The following GRID2 variants were observed in gnomAD, a reference collection of about 807,000 sequenced individuals.
GRID2 encodes glutamate receptor ionotropic, delta-2.
In GRID2, 33 loss-of-function variants were observed where a neutral mutation model predicts 114.8. That is an observed-to-expected ratio of 0.29 (90% CI 0.22 to 0.38). The LOEUF is 0.38. Ranked by LOEUF, GRID2 falls within the 10% of genes least tolerant of loss-of-function variation. The pLI is 1.00. For synonymous variants in GRID2, 505 were observed against 449.9 expected (o/e 1.12, Z -1.55); for missense variants, 1,184 against 1,257.7 (o/e 0.94, Z 0.89).
chr4:93,414,952 TG>T (rs1194138997), intron 9 of GRID2, among the ~76,000 whole-genome samples: 2 of 152,100 alleles, frequency 1.3e-5, no homozygotes, highest in East Asian at 3.8e-4. Context: ...CTTTAATATT[TG>T]TGTGGCTTTC....
chr4:93,178,060 T>G (rs1359608096), intron 4 of GRID2, among the ~76,000 whole-genome samples: 1 of 148,210 alleles, frequency 6.7e-6, no homozygotes, highest in African/African-American at 2.6e-5. Context: ...ATCGTATGGT[T>G]TTACTCAACT....
rs1235258414 is a variant in GRID2 at position 93,448,878 on chromosome 4, C to CT, written c.1546-6782dup. Among the ~76,000 whole-genome samples, 11 of 25,954 alleles carry CT rather than the reference C, an allele frequency of 4.2e-4. 1 individual carries two copies. The highest frequency in any genetic ancestry group is 6.0e-4 in the African/African-American group (2 of 3,354). 17.0% of individuals were successfully genotyped at this position (25,954 alleles called of 152,430 possible). ...TCCCTTCCCCTTCCCTTCCCCTTCCCTTCCCCTTCCCTTCCCTTCCCCTTC... is the reference window on the plus strand; with the variant it reads ...TCCCTTCCCCTTCCCTTCCCCTTCCCTTTCCCCTTCCCTTCCCTTCCCCTTC... On this transcript the variant is annotated intron_variant, in intron 10 of 15. Transcript: ENST00000282020.
rs187634124 is a variant in GRID2 at position 92,530,295 on chromosome 4, T to C, written c.89-59836T>C. Among the ~76,000 whole-genome samples the C allele has an allele frequency of 1.2e-4, 18 of 151,994 alleles. 1 individual carries two copies. The East Asian group carries it at 3.5e-3, about 30-fold the overall frequency. ...CAAAAGGCAGGTATCAGGCTGATAT[T>C]ATCTGAATGTGTAAATAAGTCTCAG... On this transcript the variant is annotated intron_variant, in intron 1 of 15. Coordinates refer to ENST00000282020, the MANE Select transcript of GRID2 (RefSeq NM_001510.4).
intron 13 of GRID2, among the ~76,000 whole-genome samples, chr4:93,597,918 C>A (rs771371974): frequency 7.9e-5 from 12 of 152,148 alleles, no homozygotes; most frequent in Non-Finnish European, 1.8e-4. Flanking sequence ...ATATTTGATA[C>A]CTCTGGATCA....
chr4:92,356,658 T>G (rs1351431362), intron 1 of GRID2, among the ~76,000 whole-genome samples: 1 of 151,842 alleles, frequency 6.6e-6, no homozygotes, highest in Non-Finnish European at 1.5e-5. Context: ...ATATATCATA[T>G]AGCCAGACAC....
chr4:92,384,321 C>T (rs2110243229), intron 1 of GRID2, among the ~76,000 whole-genome samples: 1 of 144,374 alleles, frequency 6.9e-6, no homozygotes, highest in African/African-American at 2.6e-5. Flanking sequence ...TTATGTGGGG[C>T]TTTATGTGGA....
intron 8 of GRID2, among the ~76,000 whole-genome samples, chr4:93,325,547 T>C (rs1757736403): frequency 6.6e-6 from 1 of 151,946 alleles, no homozygotes; most frequent in Admixed American, 6.6e-5. Flanking sequence ...AGATTATTAA[T>C]TTTCTATTTT....
intron 8 of GRID2, among the ~76,000 whole-genome samples, chr4:93,379,759 T>C (rs1189300866): frequency 1.3e-5 from 2 of 152,060 alleles, no homozygotes; most frequent in African/African-American, 2.4e-5. Context: ...CCCAGGATAA[T>C]ATTTCAAATA....
intron 2 of GRID2, among the ~76,000 whole-genome samples, chr4:92,794,905 T>TATATATATATATAC (rs745392261): frequency 1.2e-3 from 149 of 127,724 alleles, no homozygotes; most frequent in African/African-American, 3.6e-3. Flanking sequence ...TATATATATA[T>TATATATATATATAC]ACACACACAC....
chr4:93,174,902 G>T (rs1424555664), intron 4 of GRID2, among the ~76,000 whole-genome samples: 1 of 152,114 alleles, frequency 6.6e-6, no homozygotes, highest in East Asian at 1.9e-4. Flanking sequence ...CCAGTTTGGG[G>T]CTGTTATGAA....
intron 6 of GRID2, among the ~76,000 whole-genome samples, chr4:93,222,315 A>C (rs1425477322): frequency 6.6e-6 from 1 of 152,080 alleles, no homozygotes; most frequent in Admixed American, 6.6e-5. Context: ...AACCTTGTGT[A>C]GGATAAGGAA....
intron 5 of GRID2, among the ~76,000 whole-genome samples, chr4:93,215,237 C>T (rs1359948376): frequency 2.0e-5 from 3 of 151,606 alleles, no homozygotes; most frequent in Non-Finnish European, 4.4e-5. Flanking sequence ...AAAAAAAATA[C>T]CATATACATA....
At chr4:93,175,360 G>C (rs1442396802) in intron 4 of GRID2, among the ~76,000 whole-genome samples, 1 of 151,936 alleles carries the variant, frequency 6.6e-6, no homozygotes, top group Non-Finnish European at 1.5e-5. Flanking sequence ...TAGTACAGAC[G>C]AGGTTTCATC....
rs964786845 is a variant in GRID2 at position 93,284,225 on chromosome 4, T to A, written c.1245+45735T>A. On this transcript the variant is annotated intron_variant, in intron 8 of 15. Transcript: ENST00000282020. ...GGGTGGAAATGAAAACATAACAACA[T>A]TTTTTGCTCTTTTTACTTCCCATTT... 2.6e-5 allele frequency among the ~76,000 whole-genome samples: 4 copies of A among 152,070 alleles called. No individual in the cohort carries two copies. In the East Asian group the frequency reaches 5.8e-4, roughly 22 times the overall value.
chr4:93,675,944 C>T (rs1283952626), intron 14 of GRID2, among the ~76,000 whole-genome samples: 1 of 152,176 alleles, frequency 6.6e-6, no homozygotes, highest in Non-Finnish European at 1.5e-5. Flanking sequence ...TAGCTTCCTT[C>T]AACTGGATAA....
rs1752931717 is a variant in GRID2, at chr4:92,963,166, T to C, written c.245-121829T>C. On this transcript the variant is annotated intron_variant, in intron 2 of 15. Transcript: ENST00000282020. ...TTGCTGGTGGAGAGTCTTGCCTGGG[T>C]ATTGATGGTTGGTGCCTGATTAGGG... 2.0e-5 allele frequency among the ~76,000 whole-genome samples: 3 copies of C among 151,908 alleles called. No homozygotes were observed. In the South Asian group the frequency reaches 6.2e-4, roughly 31 times the overall value.
chr4:93,539,800 GT>G (rs200001214), intron 13 of GRID2, among the ~76,000 whole-genome samples: 1 of 151,498 alleles, frequency 6.6e-6, no homozygotes, highest in African/African-American at 2.4e-5. Context: ...TGTCTGATGG[GT>G]TTTTTTTGTT....
intron 2 of GRID2, among the ~76,000 whole-genome samples, chr4:92,758,189 A>G (rs1009659325): frequency 3.9e-4 from 59 of 152,178 alleles, no homozygotes; most frequent in African/African-American, 1.4e-3. Context: ...TTTTTCTTTC[A>G]AAGTGGTATA....
At chr4:93,047,397 T>A (rs1275991951) in intron 2 of GRID2, among the ~76,000 whole-genome samples, 1 of 152,130 alleles carries the variant, frequency 6.6e-6, no homozygotes, top group Admixed American at 6.6e-5. Context: ...AAGATGTTAA[T>A]AATAGCAGAA....
Sources: gnomAD v4.1 joint callset for allele counts (sites outside exome capture counted in the v4.1 genomes callset) on GRCh38, gnomAD v4.1.1 for gene constraint, MANE v1.5 for transcripts, NCBI Gene and HGNC (gene_info 2026-07-23, HGNC 2026-07-21) for gene names.